The following ACER3 variants were observed in gnomAD, a reference collection of about 807,000 sequenced individuals.
ACER3 encodes alkCDase 3.
In ACER3, 16 loss-of-function variants were observed where a neutral mutation model predicts 48.9. The observed-to-expected ratio is 0.33, with a 90% CI of 0.22 to 0.50. The LOEUF is 0.50. ACER3 is among the 20% of genes least tolerant of loss of function. The probability of loss-of-function intolerance (pLI) is 0.98; values close to 1 mark genes in which losing one functional copy is unlikely to be tolerated. For synonymous variants in ACER3, 109 were observed against 107.8 expected (o/e 1.01, Z -0.07); for missense variants, 227 against 326.0 (o/e 0.70, Z 2.34).
At chr11:76,885,047 G>A (rs1448236736) in intron 1 of ACER3, among the ~76,000 whole-genome samples, 1 of 152,164 alleles carries the variant, frequency 6.6e-6, no homozygotes, top group Admixed American at 6.5e-5. Context: ...AGGATTATAG[G>A]TGTGAGCCAC....
intron 3 of ACER3, 125 bp from the exon 4 acceptor site, chr11:76,976,164 G>T: frequency 1.4e-6 from 1 of 726,716 alleles, no homozygotes; most frequent in Non-Finnish European, 2.3e-6. Flanking sequence ...TGGGATTACA[G>T]GTGTGAGCCT....
At chr11:76,952,036 C>T (rs1000315717) in intron 2 of ACER3, among the ~76,000 whole-genome samples, 2 of 151,772 alleles carry the variant, frequency 1.3e-5, no homozygotes, top group African/African-American at 4.8e-5. Context: ...TAGGAGATGG[C>T]ACTTAAAATG....
intron 8 of ACER3, among the ~76,000 whole-genome samples, chr11:77,016,278 T>G (rs1555023320): frequency 6.6e-6 from 1 of 152,164 alleles, no homozygotes; most frequent in Non-Finnish European, 1.5e-5. Context: ...AATTTGGAAC[T>G]TCAATCAGTA....
intron 7 of ACER3, among the ~76,000 whole-genome samples, chr11:77,005,613 C>T (rs781994005): frequency 2.5e-4 from 38 of 152,018 alleles, no homozygotes; most frequent in Non-Finnish European, 4.1e-4. Flanking sequence ...CTCTTCCTAG[C>T]TTCTAGTAGT....
intron 1 of ACER3, among the ~76,000 whole-genome samples, chr11:76,869,841 A>G (rs1434807464): frequency 6.6e-6 from 1 of 152,102 alleles, no homozygotes; most frequent in Non-Finnish European, 1.5e-5. Context: ...AGGCTGTATA[A>G]TATTTTATTA....
chr11:76,862,091 T>G (rs746927505), intron 1 of ACER3, among the ~76,000 whole-genome samples: 2 of 152,242 alleles, frequency 1.3e-5, no homozygotes, highest in Non-Finnish European at 2.9e-5. Flanking sequence ...GTGCAAAGAC[T>G]ATCCTTTGGC....
intron 2 of ACER3, among the ~76,000 whole-genome samples, chr11:76,957,301 A>G (rs1259410089): frequency 6.6e-6 from 1 of 152,240 alleles, no homozygotes; most frequent in Non-Finnish European, 1.5e-5. Flanking sequence ...ATTAGATGTT[A>G]TAAGGGCTGA....
At chr11:77,011,042 C>T (rs1246070001) in intron 7 of ACER3, among the ~76,000 whole-genome samples, 3 of 152,098 alleles carry the variant, frequency 2.0e-5, no homozygotes, top group African/African-American at 7.2e-5. Context: ...GACAGGAGAT[C>T]CAATGAAAGA....
chr11:76,984,806 T>C (rs1256560047), intron 4 of ACER3, among the ~76,000 whole-genome samples: 1 of 152,218 alleles, frequency 6.6e-6, no homozygotes, highest in Non-Finnish European at 1.5e-5. Context: ...TCAAGCTAGC[T>C]TGAATTAGGA....
At chr11:76,918,962 TA>T (rs1946610345) in intron 1 of ACER3, among the ~76,000 whole-genome samples, 1 of 126,848 alleles carries the variant, frequency 7.9e-6, no homozygotes, top group African/African-American at 2.5e-5. Flanking sequence ...GCATAATCAG[TA>T]AAATATTTGG....
chr11:76,954,073 A>C (rs1947765912), intron 2 of ACER3, among the ~76,000 whole-genome samples: 1 of 151,186 alleles, frequency 6.6e-6, no homozygotes, highest in South Asian at 2.1e-4. Context: ...TCAGCCTCCC[A>C]AGTAGTTGGG....
intron 1 of ACER3, among the ~76,000 whole-genome samples, chr11:76,903,432 A>T: frequency 6.7e-6 from 1 of 148,190 alleles, no homozygotes; most frequent in African/African-American, 2.5e-5. Flanking sequence ...AAATGAATGG[A>T]AACGCCCCTC....
intron 3 of ACER3, among the ~76,000 whole-genome samples, chr11:76,974,539 A>G (rs1225284861): frequency 2.0e-5 from 3 of 152,212 alleles, no homozygotes; most frequent in Non-Finnish European, 4.4e-5. Flanking sequence ...ACCACTTAAA[A>G]GTGTCTCAGG....
chr11:76,876,331 A>G (rs1037242107), intron 1 of ACER3, among the ~76,000 whole-genome samples: 1 of 150,970 alleles, frequency 6.6e-6, no homozygotes, highest in Admixed American at 6.6e-5. Context: ...ATAGAAATGG[A>G]CTTGTCTAGT....
chr11:77,000,988 A>G (rs1555019668), intron 7 of ACER3, among the ~76,000 whole-genome samples: 1 of 152,196 alleles, frequency 6.6e-6, no homozygotes, highest in Non-Finnish European at 1.5e-5. Flanking sequence ...TTAAATATGC[A>G]TATCAATTTG....
At chr11:76,924,973 C>CAAAAA (rs57093609) in intron 1 of ACER3, among the ~76,000 whole-genome samples, 4,798 of 78,154 alleles carry the variant, frequency 0.061, 492 homozygotes, top group Non-Finnish European at 0.086. Context: ...AAGACTCTGT[C>CAAAAA]AAAAAAAAAA....
At chr11:76,970,722 T>G (rs1010465108) in intron 3 of ACER3, among the ~76,000 whole-genome samples, 1 of 152,224 alleles carries the variant, frequency 6.6e-6, no homozygotes, top group East Asian at 1.9e-4. Flanking sequence ...TTCACCTTTT[T>G]TTTTTACCCT....
chr11:76,887,464 A>G (rs1416846216), intron 1 of ACER3, among the ~76,000 whole-genome samples: 1 of 152,208 alleles, frequency 6.6e-6, no homozygotes, highest in Non-Finnish European at 1.5e-5. Flanking sequence ...AATGATCTTC[A>G]TAAAGAAAAT....
rs1555024318 is a variant in ACER3, at chr11:77,020,822, G to A, written c.*495G>A. On this transcript the variant is annotated 3_prime_UTR_variant, in exon 11 of 11. Transcript: ENST00000532485. ...TAATATTGTATTAATCTCATGGATGGTTCTCAAAGGTAAAAAAAGAGAGAG... is the reference window on the plus strand; with the variant it reads ...TAATATTGTATTAATCTCATGGATGATTCTCAAAGGTAAAAAAAGAGAGAG... 1 of 154,330 alleles carries A rather than the reference G, an allele frequency of 6.5e-6. No homozygotes were observed. Among genetic ancestry groups the A allele is most frequent in the East Asian group, 1.9e-4 (1 of 5,228 alleles). The allele number at this position is 154,330 out of a possible 1,614,324, so 9.6% of individuals were successfully genotyped here. A position where few individuals can be genotyped will look rare whatever the true frequency, so the allele number is the denominator to read the frequency against.
Sources: allele counts gnomAD v4.1 joint callset (sites outside exome capture counted in the v4.1 genomes callset), GRCh38; gene constraint gnomAD v4.1.1; transcripts MANE v1.5; gene names NCBI Gene and HGNC (gene_info 2026-07-23, HGNC 2026-07-21).